Variants in ARHGAP42 observed in about 807,000 individuals in gnomAD.
The protein encoded by ARHGAP42 is Rho GTPase activating protein 42.
ARHGAP42 carries 63 observed loss-of-function variants against 125.0 expected under a neutral mutation model. The ratio of observed to expected loss-of-function variants is 0.50; its 90% confidence interval spans 0.41 to 0.62. The LOEUF (loss-of-function observed/expected upper bound fraction) is 0.62. Ranked by LOEUF, ARHGAP42 falls within the 20% of genes least tolerant of loss-of-function variation. ARHGAP42 has a pLI of 0.00. For missense variants in ARHGAP42, 766 were observed against 1,024.2 expected (o/e 0.75, Z 3.44); for synonymous variants, 339 against 351.0 (o/e 0.97, Z 0.38).
chr11:100,819,350 G>C (rs1864351781), intron 3 of ARHGAP42, among the ~76,000 whole-genome samples: 1 of 152,150 alleles, frequency 6.6e-6, no homozygotes, highest in Non-Finnish European at 1.5e-5. Context: ...CAAGTGGTGA[G>C]AGTAGTGAGT....
intron 1 of ARHGAP42, among the ~76,000 whole-genome samples, chr11:100,749,761 C>T (rs1482621421): frequency 2.0e-5 from 3 of 152,114 alleles, no homozygotes; most frequent in Non-Finnish European, 4.4e-5. Flanking sequence ...AGCAGTAGGA[C>T]TTATCACCAT....
intron 8 of ARHGAP42, among the ~76,000 whole-genome samples, chr11:100,940,897 C>T (rs1169612332): frequency 1.3e-5 from 2 of 152,098 alleles, no homozygotes; most frequent in African/African-American, 4.8e-5. Flanking sequence ...TTCATAAAAT[C>T]TTGTGGCAGA....
intron 4 of ARHGAP42, among the ~76,000 whole-genome samples, chr11:100,862,771 C>A (rs965156627): frequency 6.6e-6 from 1 of 151,988 alleles, no homozygotes. Context: ...TGGCTCATGC[C>A]GGTAATCCTA....
chr11:100,732,997 T>G (rs1861987204), intron 1 of ARHGAP42, among the ~76,000 whole-genome samples: 1 of 152,246 alleles, frequency 6.6e-6, no homozygotes, highest in East Asian at 1.9e-4. Context: ...CACTTCATAT[T>G]ACTCATAATT....
At chr11:100,731,922 C>A (rs970584941) in intron 1 of ARHGAP42, among the ~76,000 whole-genome samples, 2 of 151,834 alleles carry the variant, frequency 1.3e-5, no homozygotes, top group African/African-American at 4.8e-5. Context: ...TTATCACTCT[C>A]TAACACATTC....
intron 1 of ARHGAP42, among the ~76,000 whole-genome samples, chr11:100,714,881 A>G (rs1454380394): frequency 6.6e-6 from 1 of 151,850 alleles, no homozygotes; most frequent in Non-Finnish European, 1.5e-5. Flanking sequence ...CCCTCTCTCT[A>G]CAAAAACAAT....
chr11:100,950,061 A>T, intron 12 of ARHGAP42, 105 bp downstream of exon 12: 2 of 571,688 alleles, frequency 3.5e-6, no homozygotes, highest in Non-Finnish European at 5.6e-6. Context: ...AACACCATTG[A>T]TCTCATGGTA....
chr11:100,909,090 T>C (rs544234527), intron 4 of ARHGAP42, among the ~76,000 whole-genome samples: 86 of 152,306 alleles, frequency 5.6e-4, no homozygotes, highest in African/African-American at 2.0e-3. Context: ...TTTGTCTTTT[T>C]ATTGTGAGGT....
At chr11:100,894,391 G>GACAGAGGGACTTCTTGATTATAAAGC (rs1245140422) in intron 4 of ARHGAP42, among the ~76,000 whole-genome samples, 7 of 152,168 alleles carry the variant, frequency 4.6e-5, no homozygotes, top group Non-Finnish European at 1.0e-4. Flanking sequence ...TATGTGATGT[G>GACAGAGGGACTTCTTGATTATAAAGC]ACAGAGGGAC....
intron 4 of ARHGAP42, among the ~76,000 whole-genome samples, chr11:100,863,074 A>G (rs1352896632): frequency 1.3e-5 from 2 of 149,626 alleles, no homozygotes; most frequent in African/African-American, 5.0e-5. Flanking sequence ...ACACACACAC[A>G]CACACACAAC....
At chr11:100,837,666 C>CTTTTTTTTT (rs373059302) in intron 3 of ARHGAP42, among the ~76,000 whole-genome samples, 1,295 of 60,520 alleles carry the variant, frequency 0.021, 160 homozygotes, top group Non-Finnish European at 0.025. Flanking sequence ...AGGTGTCATC[C>CTTTTTTTTT]TTTTTTTTTT....
chr11:100,729,024 C>T (rs1861911693), intron 1 of ARHGAP42, among the ~76,000 whole-genome samples: 3 of 151,848 alleles, frequency 2.0e-5, no homozygotes, highest in Non-Finnish European at 4.4e-5. Flanking sequence ...CCACCTCGGC[C>T]TTCCAAAGTG....
chr11:100,958,221 A>C (rs1481510107), intron 12 of ARHGAP42, among the ~76,000 whole-genome samples: 1 of 151,992 alleles, frequency 6.6e-6, no homozygotes, highest in Non-Finnish European at 1.5e-5. Flanking sequence ...AAATGTCTGA[A>C]TGCTTAGTGT....
intron 1 of ARHGAP42, among the ~76,000 whole-genome samples, chr11:100,691,987 T>C (rs543852949): frequency 6.6e-6 from 1 of 150,850 alleles, no homozygotes. Flanking sequence ...CATACAACTT[T>C]TATTTGTCAA....
At chr11:100,950,684 G>A (rs1407220034) in intron 12 of ARHGAP42, among the ~76,000 whole-genome samples, 1 of 151,828 alleles carries the variant, frequency 6.6e-6, no homozygotes, top group Admixed American at 6.6e-5. Context: ...GGTTAGTTTA[G>A]GGTATTTTCA....
At chr11:100,834,073 G>A (rs1216090083) in intron 3 of ARHGAP42, among the ~76,000 whole-genome samples, 1 of 152,122 alleles carries the variant, frequency 6.6e-6, no homozygotes, top group Non-Finnish European at 1.5e-5. Flanking sequence ...GGTAGGCACT[G>A]TTGTTAGCAC....
At chr11:100,869,456 C>T (rs1048937423) in intron 4 of ARHGAP42, among the ~76,000 whole-genome samples, 30 of 150,720 alleles carry the variant, frequency 2.0e-4, no homozygotes, top group Middle Eastern at 3.4e-3. Context: ...ATCTTTACAA[C>T]GTCCTTGTGA....
chr11:100,809,272 G>C (rs1171203580), intron 3 of ARHGAP42, among the ~76,000 whole-genome samples: 3 of 152,060 alleles, frequency 2.0e-5, no homozygotes, highest in Admixed American at 1.3e-4. Context: ...AAAAAAGAAA[G>C]GTAGGAGAGG....
chr11:100,768,152 TA>T (rs1452254497), intron 1 of ARHGAP42, among the ~76,000 whole-genome samples: 1 of 152,112 alleles, frequency 6.6e-6, no homozygotes, highest in Admixed American at 6.6e-5. Context: ...TTGACATTTG[TA>T]AAAAAGGTAA....
Sources: allele counts gnomAD v4.1 joint callset (sites outside exome capture counted in the v4.1 genomes callset), GRCh38; gene constraint gnomAD v4.1.1; transcripts MANE v1.5; gene names NCBI Gene and HGNC (gene_info 2026-07-23, HGNC 2026-07-21).